The following RSPO3 variants were observed in gnomAD, a reference collection of about 807,000 sequenced individuals.
RSPO3 encodes R-spondin 3, also known as R-spondin-3.
Under a neutral mutation model 36.5 loss-of-function variants are expected in RSPO3, and 17 were observed. The observed-to-expected ratio is 0.47, with a 90% CI of 0.32 to 0.70. The LOEUF is 0.70. Ranked by LOEUF, RSPO3 falls within the 30% of genes least tolerant of loss-of-function variation. RSPO3 has a pLI of 0.04. For missense variants in RSPO3, 294 were observed against 322.5 expected (o/e 0.91, Z 0.68); for synonymous variants, 108 against 107.0 (o/e 1.01, Z -0.06).
intron 4 of RSPO3, among the ~76,000 whole-genome samples, chr6:127,164,943 A>T (rs1430345780): frequency 6.6e-6 from 1 of 152,054 alleles, no homozygotes; most frequent in East Asian, 1.9e-4. Context: ...AGAGTTTCTG[A>T]ATAAAGTTTA....
At chr6:127,185,777 A>G (rs1385349393) in intron 4 of RSPO3, among the ~76,000 whole-genome samples, 2 of 152,138 alleles carry the variant, frequency 1.3e-5, no homozygotes, top group East Asian at 1.9e-4. Flanking sequence ...AGCACAGTCA[A>G]CTAGTGCATA....
chr6:127,148,523 A>C (rs1320347823), intron 1 of RSPO3, 125 bp from the exon 2 acceptor site: 2 of 601,718 alleles, frequency 3.3e-6, no homozygotes, highest in Non-Finnish European at 5.4e-6. Flanking sequence ...AAAAAATCCC[A>C]CCTCATTCAC....
chr6:127,152,837 A>C (rs1419109094), intron 3 of RSPO3, among the ~76,000 whole-genome samples: 3 of 152,108 alleles, frequency 2.0e-5, no homozygotes, highest in African/African-American at 7.2e-5. Flanking sequence ...TCCTTTCTGC[A>C]CTGTCATTTT....
At chr6:127,124,863 C>A (rs1417625548) in intron 1 of RSPO3, among the ~76,000 whole-genome samples, 1 of 151,982 alleles carries the variant, frequency 6.6e-6, no homozygotes, top group Non-Finnish European at 1.5e-5. Flanking sequence ...TGGGGTGTTC[C>A]ATTCTCAAAG....
At chr6:127,167,711 T>C (rs1281208504) in intron 4 of RSPO3, among the ~76,000 whole-genome samples, 2 of 152,042 alleles carry the variant, frequency 1.3e-5, no homozygotes, top group African/African-American at 4.8e-5. Flanking sequence ...GCTGCACCCA[T>C]TAACTCGTCA....
chr6:127,143,222 A>G (rs1774314791), intron 1 of RSPO3, among the ~76,000 whole-genome samples: 1 of 152,184 alleles, frequency 6.6e-6, no homozygotes, highest in South Asian at 2.1e-4. Context: ...GGTGGGAATT[A>G]TCTCAAATTC....
chr6:127,188,830 T>A (rs2114265818), intron 4 of RSPO3, among the ~76,000 whole-genome samples: 1 of 152,286 alleles, frequency 6.6e-6, no homozygotes, highest in African/African-American at 2.4e-5. Context: ...TCTTGATTTT[T>A]ATAAAACTCC....
chr6:127,145,050 A>C (rs561529729), intron 1 of RSPO3, among the ~76,000 whole-genome samples: 1 of 152,146 alleles, frequency 6.6e-6, no homozygotes, highest in African/African-American at 2.4e-5. Flanking sequence ...AAAATCTGCA[A>C]AATTAATGAT....
chr6:127,168,082 T>C (rs1438637975), intron 4 of RSPO3, among the ~76,000 whole-genome samples: 1 of 152,200 alleles, frequency 6.6e-6, no homozygotes, highest in Non-Finnish European at 1.5e-5. Context: ...TATGTCTTTA[T>C]AGCAGCATGA....
intron 1 of RSPO3, among the ~76,000 whole-genome samples, chr6:127,130,406 G>A (rs752442360): frequency 2.0e-5 from 3 of 152,122 alleles, no homozygotes; most frequent in Non-Finnish European, 2.9e-5. Context: ...GTTTAAATAT[G>A]TGGATGAGTG....
At chr6:127,119,556 G>T (rs1773795471) in intron 1 of RSPO3, among the ~76,000 whole-genome samples, 3 of 152,234 alleles carry the variant, frequency 2.0e-5, no homozygotes, top group African/African-American at 4.8e-5. Context: ...CTTCAGGTTC[G>T]CGGGAAAGTT....
chr6:127,119,325 C>A (rs759392702), intron 1 of RSPO3, 36 bp downstream of exon 1: 1 of 1,495,800 alleles, frequency 6.7e-7, no homozygotes, highest in Non-Finnish European at 9.3e-7. Flanking sequence ...TGCTCCCTCC[C>A]GCCGCGTTCA....
chr6:127,132,214 T>G (rs1187899684), intron 1 of RSPO3, among the ~76,000 whole-genome samples: 1 of 152,124 alleles, frequency 6.6e-6, no homozygotes, highest in East Asian at 1.9e-4. Flanking sequence ...CACTAGAGAT[T>G]AAACAAAGTT....
chr6:127,170,662 T>C (rs1029623112), intron 4 of RSPO3, among the ~76,000 whole-genome samples: 12 of 151,614 alleles, frequency 7.9e-5, no homozygotes, highest in African/African-American at 2.7e-4. Context: ...ATTAAACAAA[T>C]TGTGATATAT....
rs561716510 is a variant in RSPO3 at position 127,167,499 on chromosome 6, C to A, written c.634+12061C>A. Among the ~76,000 whole-genome samples, 24 of 152,070 alleles carry A rather than the reference C, an allele frequency of 1.6e-4. No individual in the cohort carries two copies. In the South Asian group the frequency reaches 3.9e-3, roughly 25 times the overall value. ...AATATTCCATGGTGTATATGTGCCACATTTTCTTAATCCAGTCTATCATTG... is the reference window on the plus strand; with the variant it reads ...AATATTCCATGGTGTATATGTGCCAAATTTTCTTAATCCAGTCTATCATTG... On this transcript the variant is annotated intron_variant, in intron 4 of 4. Transcript: ENST00000356698.
intron 1 of RSPO3, among the ~76,000 whole-genome samples, chr6:127,128,625 G>A (rs1773990052): frequency 6.6e-6 from 1 of 152,036 alleles, no homozygotes; most frequent in Non-Finnish European, 1.5e-5. Flanking sequence ...TGAGATAGAT[G>A]TCATTTGAAC....
At chr6:127,127,379 T>C (rs1375221894) in intron 1 of RSPO3, among the ~76,000 whole-genome samples, 1 of 152,144 alleles carries the variant, frequency 6.6e-6, no homozygotes, top group African/African-American at 2.4e-5. Flanking sequence ...AGAAATAATA[T>C]GCCAAAGTAT....
chr6:127,184,446 T>C (rs187529769), intron 4 of RSPO3, among the ~76,000 whole-genome samples: 34 of 151,928 alleles, frequency 2.2e-4, no homozygotes, highest in African/African-American at 7.5e-4. Context: ...AATCAAACAA[T>C]AGAAGGAAAC....
chr6:127,124,833 T>C (rs1420156737), intron 1 of RSPO3, among the ~76,000 whole-genome samples: 18 of 152,044 alleles, frequency 1.2e-4, no homozygotes, highest in Admixed American at 1.2e-3. Context: ...AAAGTAGTCA[T>C]CCAGCAATAC....
Sources: gnomAD v4.1 joint callset for allele counts (sites outside exome capture counted in the v4.1 genomes callset) on GRCh38, gnomAD v4.1.1 for gene constraint, MANE v1.5 for transcripts, NCBI Gene and HGNC (gene_info 2026-07-23, HGNC 2026-07-21) for gene names.